Variants in PISD observed in about 807,000 individuals in gnomAD.
PISD encodes the protein phosphatidylserine decarboxylase, also known as phosphatidylserine decarboxylase proenzyme, mitochondrial.
PISD carries 31 observed loss-of-function variants against 43.5 expected under a neutral mutation model. The observed-to-expected ratio is 0.71, with a 90% CI of 0.54 to 0.96. PISD has a LOEUF of 0.96. Among genes scored for constraint, PISD ranks in the 40% least tolerant of loss-of-function variants. The probability of loss-of-function intolerance (pLI) is 0.00; values close to 1 mark genes in which losing one functional copy is unlikely to be tolerated. For synonymous variants in PISD, 259 were observed against 228.7 expected, an observed-to-expected ratio of 1.13 and a Z score of -1.20; for missense variants, 523 against 548.4, an observed-to-expected ratio of 0.95 and a Z score of 0.46.
In PISD at chr22:31,630,707, C is replaced by T. The variant is rs994250003; in HGVS notation, c.322-8822G>A. On this transcript the variant is annotated intron_variant, in intron 3 of 7. Transcript: ENST00000439502. The surrounding 1 kb of genome is among the most constrained non-coding windows in gnomAD (Gnocchi z 4.4). ...CGAAGGCCCTAGAAGGGCACCCCCA[C>T]CCGGCACTGGCCCTCTGAGCGGGCA... 1 of 985,032 alleles carries T rather than the reference C, an allele frequency of 1.0e-6. No homozygotes were observed. Among genetic ancestry groups the T allele is most frequent in the Non-Finnish European group, 1.2e-6 (1 of 829,656 alleles). The allele number at this position is 985,032 out of a possible 1,614,324, so 61.0% of individuals were successfully genotyped here.
chr22:31,661,947 T>C (rs2071962984), intron 1 of PISD, among the ~76,000 whole-genome samples, 197 bp downstream of exon 1: 1 of 152,202 alleles, frequency 6.6e-6, no homozygotes, highest in African/African-American at 2.4e-5. Flanking sequence ...CGCGAGCTTC[T>C]AGGCCACACC....
chr22:31,637,143 T>A (rs5753735), intron 3 of PISD, among the ~76,000 whole-genome samples: 4 of 31,606 alleles, frequency 1.3e-4, no homozygotes, highest in Admixed American at 4.5e-4. Context: ...ATAAATAAAT[T>A]AAAAAAAAAA....
At position 31,621,750 on chromosome 22, in the gene PISD, CTT is replaced by C; in HGVS notation, c.455_456del (p.Lys152ArgfsTer36). 1 of 1,614,186 alleles carries C rather than the reference CTT, an allele frequency of 6.2e-7. No individual in the cohort carries two copies. Among genetic ancestry groups the C allele is most frequent in the Non-Finnish European group, 8.5e-7 (1 of 1,180,052 alleles). On this transcript the variant is annotated frameshift_variant, in exon 4 of 8. Transcript: ENST00000439502. LOFTEE classifies it high-confidence loss of function. Reference protein sequence around the residue: ...LYIWTFGVNMKEAAVEDLHHY... With the variant: ...LYIWTFGVNMXEAAVEDLHHY... ...TGATGCAGGTCCTCCACAGCGGCCT[CTT>C]TCATGTTCACCCCAAACGTCCAGAT...
chr22:31,629,207 G>A, intron 3 of PISD: 1 of 985,368 alleles, frequency 1.0e-6, no homozygotes, highest in Non-Finnish European at 1.2e-6. Flanking sequence ...TACAGGTTGG[G>A]TTGGGGCCTG....
chr22:31,639,221 G>A (rs1601401931), intron 3 of PISD, among the ~76,000 whole-genome samples: 1 of 151,110 alleles, frequency 6.6e-6, no homozygotes, highest in East Asian at 1.9e-4. Flanking sequence ...GACCAGGCTG[G>A]AGTGCAATGG....
chr22:31,633,512 G>A lies in PISD; in HGVS notation c.322-11627C>T, dbSNP rs180879076. Among the ~76,000 whole-genome samples the A allele has an allele frequency of 4.6e-3, 699 of 152,156 alleles. 6 individuals are homozygous for A. Among genetic ancestry groups the A allele is most frequent in the African/African-American group, 0.016 (655 of 41,504 alleles). On this transcript the variant is annotated intron_variant, in intron 3 of 7. Coordinates refer to ENST00000439502, the MANE Select transcript of PISD (RefSeq NM_001326411.2). Reference sequence around the variant, plus strand: ...AGGCGGATCACGAGGTCAGGAGATCGAGACCATCCTGGCTAACACGGTGAA... The same window carrying A: ...AGGCGGATCACGAGGTCAGGAGATCAAGACCATCCTGGCTAACACGGTGAA...
chr22:31,623,571 G>C, intron 3 of PISD: 1 of 1,071,868 alleles, frequency 9.3e-7, no homozygotes. Context: ...CCCTGAAGAT[G>C]TAGCGGTGAC....
At chr22:31,658,013 C>A (rs921914254) in intron 1 of PISD, among the ~76,000 whole-genome samples, 1 of 152,144 alleles carries the variant, frequency 6.6e-6, no homozygotes, top group Non-Finnish European at 1.5e-5. Flanking sequence ...ATCTTGCTTT[C>A]TTTTTCTTCA....
chr22:31,658,860 T>C (rs1056320294), intron 1 of PISD, among the ~76,000 whole-genome samples: 8 of 142,858 alleles, frequency 5.6e-5, no homozygotes, highest in Non-Finnish European at 8.9e-5. Context: ...TTTTTCTTTT[T>C]TTTTTTTTTT....
chr22:31,620,850 C>T (rs1424710933), intron 6 of PISD, 137 bp from the exon 7 acceptor site: 43 of 1,385,444 alleles, frequency 3.1e-5, no homozygotes, highest in Non-Finnish European at 4.1e-5. Context: ...CCCCACGGTC[C>T]CCTGCCCACA....
chr22:31,626,649 C>G (rs1037379507), intron 3 of PISD, among the ~76,000 whole-genome samples: 3 of 152,240 alleles, frequency 2.0e-5, no homozygotes, highest in Non-Finnish European at 4.4e-5. Context: ...AAACCAGTTC[C>G]ACTCCCCTTT....
chr22:31,640,575 GTTT>G (rs759964791), intron 3 of PISD, among the ~76,000 whole-genome samples: 1,091 of 91,230 alleles, frequency 0.012, 6 homozygotes, highest in African/African-American at 0.046. Context: ...CGGTTTGGTT[GTTT>G]TTTTTTTTTT....
upstream of PISD, chr22:31,662,219 C>A: frequency 6.2e-7 from 1 of 1,602,342 alleles, no homozygotes; most frequent in Non-Finnish European, 8.5e-7. Flanking sequence ...CTTGTCTGCT[C>A]CTTCTCAGCG....
chr22:31,652,832 A>G (rs906354860), intron 1 of PISD, among the ~76,000 whole-genome samples: 1 of 151,812 alleles, frequency 6.6e-6, no homozygotes, highest in Admixed American at 6.6e-5. Context: ...TGAGCCCAGG[A>G]GTTCAAGACC....
At chr22:31,636,106 C>T (rs535155708) in intron 3 of PISD, among the ~76,000 whole-genome samples, 1 of 152,194 alleles carries the variant, frequency 6.6e-6, no homozygotes, top group Non-Finnish European at 1.5e-5. Context: ...AGGTACACCG[C>T]GGCGCCAGGA....
intron 1 of PISD, among the ~76,000 whole-genome samples, chr22:31,655,968 T>C (rs895696570): frequency 6.6e-6 from 1 of 152,034 alleles, no homozygotes; most frequent in African/African-American, 2.4e-5. Context: ...TTCTTTCTCA[T>C]CATCCACATT....
At position 31,639,362 on chromosome 22, in the gene PISD, C is replaced by T. The variant is rs543433918; in HGVS notation, c.321+8739G>A. 1.1e-4 allele frequency among the ~76,000 whole-genome samples: 16 copies of T among 151,996 alleles called. No individual in the cohort carries two copies. The East Asian group carries it at 1.9e-3, about 18-fold the overall frequency. On this transcript the variant is annotated intron_variant, in intron 3 of 7. Transcript: ENST00000439502. ...AATGTTTTTGCATTTTTAGTAGAGA[C>T]GGGGTTTCACCATGTTGGCCAGGCT...
At chr22:31,636,696 C>G (rs962531886) in intron 3 of PISD, among the ~76,000 whole-genome samples, 1 of 152,142 alleles carries the variant, frequency 6.6e-6, no homozygotes, top group African/African-American at 2.4e-5. Context: ...CCCGCCACCA[C>G]GCCCGGCTAA....
Position 31,619,315 on chromosome 22 carries a change from C to T in PISD, c.*297G>A, listed in dbSNP as rs1046283208. 1.5e-5 allele frequency: 6 copies of T among 396,634 alleles called. No homozygotes were observed. The highest frequency in any genetic ancestry group is 1.1e-4 in the Admixed American group (3 of 27,178). The allele number at this position is 396,634 out of a possible 1,614,324, so 24.6% of individuals were successfully genotyped here. On this transcript the variant is annotated 3_prime_UTR_variant, in exon 8 of 8. Coordinates refer to ENST00000439502, the MANE Select transcript of PISD (RefSeq NM_001326411.2). ...GAAGGTTCGGTCAGGAATGCAGGCT[C>T]TTCCGTCTATACAGTGTTTAAAAAG...
Sources: allele counts gnomAD v4.1 joint callset (sites outside exome capture counted in the v4.1 genomes callset), GRCh38; gene constraint gnomAD v4.1.1; non-coding constraint Gnocchi (gnomAD v3.1); transcripts MANE v1.5; gene names NCBI Gene and HGNC (gene_info 2026-07-23, HGNC 2026-07-21).